The following GEMIN5 variants were observed in gnomAD, a reference collection of about 807,000 sequenced individuals.
The protein encoded by GEMIN5 is gem-associated protein 5.
GEMIN5 carries 124 observed loss-of-function variants against 176.9 expected under a neutral mutation model. That is an observed-to-expected ratio of 0.70 (90% confidence interval 0.61 to 0.81). The LOEUF is 0.81. Among genes scored for constraint, GEMIN5 ranks in the 40% least tolerant of loss-of-function variants. The pLI is 0.00. For synonymous variants in GEMIN5, 673 were observed against 665.2 expected, an observed-to-expected ratio of 1.01 and a Z score of -0.18; for missense variants, 1,843 against 1,814.6, an observed-to-expected ratio of 1.02 and a Z score of -0.28.
chr5:154,927,157 ACC>A (rs1383223482), intron 7 of GEMIN5, among the ~76,000 whole-genome samples: 1 of 152,024 alleles, frequency 6.6e-6, no homozygotes, highest in Non-Finnish European at 1.5e-5. Context: ...GGGCAAAACT[ACC>A]CTTCTTTATT....
intron 5 of GEMIN5, among the ~76,000 whole-genome samples, chr5:154,930,784 A>C (rs1764145832): frequency 6.6e-6 from 1 of 152,190 alleles, no homozygotes; most frequent in Non-Finnish European, 1.5e-5. Context: ...GTACACTTAA[A>C]AGTGATAAAG....
Position 154,905,760 on chromosome 5 carries a change from C to T in GEMIN5, c.2396-284G>A, listed in dbSNP as rs375685229. 1.7e-4 allele frequency among the ~76,000 whole-genome samples: 26 copies of T among 148,690 alleles called. No individual in the cohort carries two copies. In the East Asian group the frequency reaches 3.4e-3, roughly 19 times the overall value. ...GTCGCCCAGGCTGGAAATTCAGTGG[C>T]GCAATCTTGGCTTACTGCAACCTCT... On this transcript the variant is annotated intron_variant, in intron 16 of 27. Coordinates refer to ENST00000285873, the MANE Select transcript of GEMIN5 (RefSeq NM_015465.5).
rs1764290225 is a variant in GEMIN5, at chr5:154,937,319, G to T, written c.167-134C>A. 16 of 701,478 alleles carry T rather than the reference G, an allele frequency of 2.3e-5. No homozygotes were observed. The South Asian group carries it at 3.3e-4, about 15-fold the overall frequency. 43.5% of individuals were successfully genotyped at this position (701,478 alleles called of 1,614,324 possible). ...CCATGGTATAACTGAAACACCGACG[G>T]ACTTACACTCAGAATTCCCAAGTGC... On this transcript the variant is annotated intron_variant, in intron 1 of 27. Coordinates refer to ENST00000285873, the MANE Select transcript of GEMIN5 (RefSeq NM_015465.5).
rs927669184 is a variant in GEMIN5 at position 154,896,438 on chromosome 5, G to C, written c.3346-95C>G. 2.2e-5 allele frequency: 28 copies of C among 1,298,278 alleles called. No homozygotes were observed. The African/African-American group carries it at 3.9e-4, about 18-fold the overall frequency. The allele number at this position is 1,298,278 out of a possible 1,614,324, so 80.4% of individuals were successfully genotyped here. ...CGTGTCCTTCAAAGTATTTCCCTTT[G>C]TATCTGCAGCAACCAAAGCACATTA... On this transcript the variant is annotated intron_variant, in intron 23 of 27. Transcript: ENST00000285873.
intron 5 of GEMIN5, among the ~76,000 whole-genome samples, chr5:154,929,912 ATT>A (rs1419698280): frequency 1.3e-5 from 2 of 152,224 alleles, no homozygotes; most frequent in Non-Finnish European, 2.9e-5. Context: ...ATAGCATATT[ATT>A]TAGAATAGTA....
In GEMIN5 at chr5:154,903,238, C is replaced by T; in HGVS notation, c.2633-63G>A. On this transcript the variant is annotated intron_variant, in intron 18 of 27. Transcript: ENST00000285873. Reference sequence around the variant, plus strand: ...ATTACATTGATTACAGTTTTCTCTCCAATAACTTCCGAATATATGTTTGGA... The same window carrying T: ...ATTACATTGATTACAGTTTTCTCTCTAATAACTTCCGAATATATGTTTGGA... The T allele has an allele frequency of 2.8e-6, 3 of 1,053,106 alleles. No homozygotes were observed. The South Asian group carries it at 3.9e-5, about 14-fold the overall frequency. 65.2% of individuals were successfully genotyped at this position (1,053,106 alleles called of 1,614,324 possible). A position where few individuals can be genotyped will look rare whatever the true frequency, so the allele number is the denominator to read the frequency against.
chr5:154,896,444 G>T, intron 23 of GEMIN5, 101 bp from the exon 24 acceptor site: 1 of 1,242,620 alleles, frequency 8.0e-7, no homozygotes. Context: ...CTTTGTATCT[G>T]CAGCAACCAA....
chr5:154,888,704 A>C (rs1561705655), intron 27 of GEMIN5, among the ~76,000 whole-genome samples: 1 of 152,188 alleles, frequency 6.6e-6, no homozygotes, highest in Non-Finnish European at 1.5e-5. Flanking sequence ...TAAGCTATCT[A>C]ATACATGGCA....
At chr5:154,913,242 T>A (rs1286902866) in intron 13 of GEMIN5, among the ~76,000 whole-genome samples, 1 of 152,092 alleles carries the variant, frequency 6.6e-6, no homozygotes, top group Non-Finnish European at 1.5e-5. Context: ...CTCGGCTCAC[T>A]GCAACCTCCG....
At chr5:154,904,721 G>T in intron 17 of GEMIN5, 92 bp from the exon 18 acceptor site, 2 of 902,010 alleles carry the variant, frequency 2.2e-6, no homozygotes, top group Non-Finnish European at 3.6e-6. Context: ...CTACTGGCAG[G>T]ACGACACCAC....
intron 6 of GEMIN5, 30 bp from the exon 7 acceptor site, chr5:154,927,580 T>C: frequency 6.6e-7 from 1 of 1,515,428 alleles, no homozygotes; most frequent in Non-Finnish European, 9.1e-7. Context: ...GCATTAGTTC[T>C]TTTACAAACG....
chr5:154,900,617 G>A (rs1763442391), intron 21 of GEMIN5, among the ~76,000 whole-genome samples: 1 of 152,190 alleles, frequency 6.6e-6, no homozygotes, highest in Non-Finnish European at 1.5e-5. Context: ...GAGTTGAGAA[G>A]AGGAAACAAT....
chr5:154,933,265 A>G (rs188514880), intron 3 of GEMIN5, among the ~76,000 whole-genome samples: 1 of 152,250 alleles, frequency 6.6e-6, no homozygotes, highest in Admixed American at 6.5e-5. Context: ...ATATTCCTAA[A>G]TAAGATATAG....
In GEMIN5 at chr5:154,901,323, C is replaced by G. The variant is rs1410146865; in HGVS notation, c.3014+16G>C. The G allele has an allele frequency of 3.1e-6, 5 of 1,610,370 alleles. No individual in the cohort carries two copies. The highest frequency in any genetic ancestry group is 1.7e-5 in the Admixed American group (1 of 59,784). Reference sequence around the variant, plus strand: ...ATTATGTCCAAGTATTATCCCAACTCTAGGACCACACAGACCTGTAAAAAT... The same window carrying G: ...ATTATGTCCAAGTATTATCCCAACTGTAGGACCACACAGACCTGTAAAAAT... On this transcript the variant is annotated intron_variant, in intron 21 of 27. Coordinates refer to ENST00000285873, the MANE Select transcript of GEMIN5 (RefSeq NM_015465.5).
At chr5:154,923,279 C>G (rs762034819) in intron 9 of GEMIN5, among the ~76,000 whole-genome samples, 13 of 152,052 alleles carry the variant, frequency 8.5e-5, no homozygotes, top group Non-Finnish European at 1.8e-4. Flanking sequence ...ACTCAGGAGG[C>G]TGAGGCAGGA....
chr5:154,920,132 A>G (rs372330498), intron 10 of GEMIN5, 29 bp from the exon 11 acceptor site: 1 of 1,591,058 alleles, frequency 6.3e-7, no homozygotes, highest in Non-Finnish European at 8.6e-7. Context: ...GAAACTTATC[A>G]GTTTTGTACT....
chr5:154,899,123 T>A, intron 22 of GEMIN5, 68 bp downstream of exon 22: 1 of 1,483,616 alleles, frequency 6.7e-7, no homozygotes, highest in Non-Finnish European at 9.1e-7. Flanking sequence ...ATTACTTGTA[T>A]TCTTGTCCTC....
rs562643165 is a variant in GEMIN5 at position 154,891,454 on chromosome 5, T to A, written c.4049A>T (p.Glu1350Val). Reference protein sequence around the residue: ...ELDLRLTEEGERMLSTFKELF... With the variant: ...ELDLRLTEEGVRMLSTFKELF... ...CTCCTTAAAAGTACTCAGCATTCGC[T>A]CACCTTCTTCTGTGAGTCTCAAGTC... The change falls in exon 26 of 28, where the codon GAG (glutamate) becomes GTG (valine). Residue 1350 changes from glutamate (E) to valine (V), a missense_variant. Physicochemically the swap from Glu to Val is moderately radical, Grantham distance 121. Coordinates refer to ENST00000285873, the MANE Select transcript of GEMIN5 (RefSeq NM_015465.5). The A allele has an allele frequency of 3.1e-6, 5 of 1,614,162 alleles. No homozygotes were observed. In the South Asian group the frequency reaches 5.5e-5, roughly 18 times the overall value.
chr5:154,895,336 G>GAAAAAAA (rs370508883), intron 24 of GEMIN5, among the ~76,000 whole-genome samples: 5 of 75,662 alleles, frequency 6.6e-5, no homozygotes, highest in Admixed American at 1.4e-4. Context: ...CTCCAGAAAG[G>GAAAAAAA]AAAAAAAAAA....
Sources: allele counts gnomAD v4.1 joint callset (sites outside exome capture counted in the v4.1 genomes callset), GRCh38; gene constraint gnomAD v4.1.1; transcripts MANE v1.5; gene names NCBI Gene and HGNC (gene_info 2026-07-23, HGNC 2026-07-21).